SCFD2: variants seen among roughly 807,000 people sequenced by gnomAD.
SCFD2 encodes sec1 family domain containing 2.
Under a neutral mutation model 58.9 loss-of-function variants are expected in SCFD2, and 54 were observed. That is an observed-to-expected ratio of 0.92 (90% CI 0.74 to 1.15). The LOEUF is 1.15. Ranked by LOEUF, SCFD2 falls within the 50% of genes most tolerant of loss-of-function variation. SCFD2 has a pLI of 0.00. For missense variants in SCFD2, 805 were observed against 836.6 expected, an observed-to-expected ratio of 0.96 and a Z score of 0.47; for synonymous variants, 321 against 335.9, an observed-to-expected ratio of 0.96 and a Z score of 0.49.
At chr4:53,171,879 C>A (rs1727188167) in intron 4 of SCFD2, among the ~76,000 whole-genome samples, 1 of 151,598 alleles carries the variant, frequency 6.6e-6, no homozygotes, top group African/African-American at 2.4e-5. Flanking sequence ...TCTTCTCTCT[C>A]ATTTTCTTAG....
At chr4:53,020,099 C>T (rs930071348) in intron 5 of SCFD2, among the ~76,000 whole-genome samples, 1 of 152,200 alleles carries the variant, frequency 6.6e-6, no homozygotes, top group African/African-American at 2.4e-5. Context: ...TTGGCTGATT[C>T]TTTTCTTTTA....
intron 5 of SCFD2, among the ~76,000 whole-genome samples, chr4:53,082,219 G>A (rs769168777): frequency 3.9e-5 from 6 of 152,126 alleles, no homozygotes; most frequent in Non-Finnish European, 8.8e-5. Context: ...GAGTGGAATT[G>A]CTGGGCGTAT....
chr4:52,898,768 C>T (rs993439124), intron 7 of SCFD2, among the ~76,000 whole-genome samples: 8 of 152,038 alleles, frequency 5.3e-5, no homozygotes, highest in African/African-American at 2.4e-5. Context: ...AAGTCTCCCA[C>T]TATTATTGTG....
chr4:53,309,041 G>C (rs182464626), intron 3 of SCFD2, among the ~76,000 whole-genome samples: 17 of 152,122 alleles, frequency 1.1e-4, no homozygotes, highest in Middle Eastern at 6.8e-3. Context: ...GCTGAGGCAG[G>C]AGAATCGCTT....
chr4:53,329,404 G>A (rs552314893), intron 2 of SCFD2, among the ~76,000 whole-genome samples: 25 of 152,060 alleles, frequency 1.6e-4, no homozygotes, highest in Admixed American at 1.4e-3. Context: ...ATCTCAGAAC[G>A]GGCAGACTGC....
chr4:53,354,447 C>T (rs975060260), intron 1 of SCFD2, among the ~76,000 whole-genome samples: 2 of 152,232 alleles, frequency 1.3e-5, no homozygotes, highest in Non-Finnish European at 2.9e-5. Flanking sequence ...TGGTTCCTGC[C>T]CGTGCCTCTT....
At chr4:53,208,757 T>G (rs779841906) in intron 4 of SCFD2, among the ~76,000 whole-genome samples, 2 of 152,190 alleles carry the variant, frequency 1.3e-5, no homozygotes, top group African/African-American at 4.8e-5. Flanking sequence ...AAGTTAAATA[T>G]CTTGTTAAAA....
chr4:53,116,673 C>T (rs1325673073), intron 5 of SCFD2, among the ~76,000 whole-genome samples: 4 of 152,134 alleles, frequency 2.6e-5, no homozygotes, highest in African/African-American at 9.7e-5. Context: ...CCAATTATAC[C>T]TGAAGCTGGA....
intron 4 of SCFD2, among the ~76,000 whole-genome samples, chr4:53,153,009 C>A (rs1296350126): frequency 3.3e-5 from 5 of 152,208 alleles, no homozygotes; most frequent in Admixed American, 2.6e-4. Flanking sequence ...TTGAAGGGTG[C>A]AACCATGAAG....
intron 7 of SCFD2, among the ~76,000 whole-genome samples, chr4:52,887,213 T>A (rs17699414): frequency 0.034 from 5,210 of 152,228 alleles, 134 homozygotes; most frequent in Non-Finnish European, 0.049. Flanking sequence ...ACAGGGCCCA[T>A]CCTCAAGGTG....
intron 8 of SCFD2, among the ~76,000 whole-genome samples, chr4:52,876,425 A>G (rs1241031374): frequency 1.3e-5 from 2 of 152,018 alleles, no homozygotes; most frequent in East Asian, 3.9e-4. Context: ...TGGTTCATGA[A>G]CTCCTAGGAA....
intron 5 of SCFD2, among the ~76,000 whole-genome samples, chr4:53,136,186 G>A (rs573088115): frequency 1.9e-4 from 29 of 152,254 alleles, no homozygotes; most frequent in Non-Finnish European, 3.1e-4. Context: ...CCAGGGATCC[G>A]TAAGCCAAAG....
chr4:53,248,651 C>G (rs1730215807), intron 4 of SCFD2, among the ~76,000 whole-genome samples: 2 of 152,212 alleles, frequency 1.3e-5, no homozygotes, highest in African/African-American at 4.8e-5. Context: ...AGACACCCCC[C>G]AGTAGGGGCA....
intron 5 of SCFD2, among the ~76,000 whole-genome samples, chr4:53,052,230 T>C (rs997436253): frequency 6.6e-6 from 1 of 152,182 alleles, no homozygotes; most frequent in South Asian, 2.1e-4. Flanking sequence ...ACACTAACTT[T>C]CTTTTAGTGT....
chr4:52,979,377 C>T (rs1181143344), intron 5 of SCFD2, among the ~76,000 whole-genome samples: 1 of 152,070 alleles, frequency 6.6e-6, no homozygotes, highest in Non-Finnish European at 1.5e-5. Context: ...AAAGTTCACA[C>T]TTACATGCCC....
At chr4:53,012,297 T>C (rs1255034204) in intron 5 of SCFD2, among the ~76,000 whole-genome samples, 2 of 151,664 alleles carry the variant, frequency 1.3e-5, no homozygotes, top group East Asian at 3.9e-4. Context: ...CACAGAGGGG[T>C]AAATTTGAAA....
intron 5 of SCFD2, among the ~76,000 whole-genome samples, chr4:52,983,179 T>C (rs1721414999): frequency 6.6e-6 from 1 of 152,198 alleles, no homozygotes; most frequent in Non-Finnish European, 1.5e-5. Flanking sequence ...AGGGGCACGA[T>C]AACTCTTTGC....
chr4:52,949,523 T>C (rs1409128919), intron 5 of SCFD2: 3 of 152,184 alleles, frequency 2.0e-5, no homozygotes, highest in Non-Finnish European at 4.4e-5. Context: ...CAACAGGTGT[T>C]CTCTCTTGAA....
At chr4:53,339,110 CT>C (rs1227381930) in intron 2 of SCFD2, among the ~76,000 whole-genome samples, 1 of 151,858 alleles carries the variant, frequency 6.6e-6, no homozygotes, top group Non-Finnish European at 1.5e-5. Context: ...ATACAATGAA[CT>C]TTTTTTCTTC....
Sources: gnomAD v4.1 joint callset for allele counts (sites outside exome capture counted in the v4.1 genomes callset) on GRCh38, gnomAD v4.1.1 for gene constraint, MANE v1.5 for transcripts, NCBI Gene and HGNC (gene_info 2026-07-23, HGNC 2026-07-21) for gene names.